Variants in ZFYVE28 observed in about 807,000 individuals in gnomAD.
The protein encoded by ZFYVE28 is lateral signaling target protein 2 homolog.
ZFYVE28 carries 40 observed loss-of-function variants against 82.1 expected under a neutral mutation model. That is an observed-to-expected ratio of 0.49 (90% CI 0.38 to 0.63). The LOEUF is 0.63. ZFYVE28 is among the 30% of genes least tolerant of loss of function. The pLI is 0.00. For missense variants in ZFYVE28, 1,321 were observed against 1,242.1 expected (o/e 1.06, Z -0.96); for synonymous variants, 612 against 546.1 (o/e 1.12, Z -1.68).
intron 7 of ZFYVE28, among the ~76,000 whole-genome samples, chr4:2,311,147 ATAT>A (rs1717415332): frequency 6.6e-6 from 1 of 152,104 alleles, no homozygotes; most frequent in Non-Finnish European, 1.5e-5. Context: ...CTTTCCATCT[ATAT>A]TATTAGTAAT....
rs545074523 is a variant in ZFYVE28 at position 2,303,788 on chromosome 4, C to T, written c.2051+501G>A. On this transcript the variant is annotated intron_variant, in intron 8 of 12. Coordinates refer to ENST00000290974, the MANE Select transcript of ZFYVE28 (RefSeq NM_020972.3). The stretch of plus-strand genomic sequence containing the variant: ...CAGCACCCCTCATGGCCCCAGTCTC[C>T]GCGCCCACGGCCACGGGTCTGCGTC... 9.1e-4 allele frequency among the ~76,000 whole-genome samples: 139 copies of T among 152,308 alleles called. No individual in the cohort carries two copies. The East Asian group carries it at 0.016, about 18-fold the overall frequency.
rs1310181263 is a variant in ZFYVE28, at chr4:2,279,735, CAT to C, written c.2052-5521_2052-5520del. ...GGCGGAGCTTGCAGTGAGCCGAGAT[CAT>C]GCCACTGCACTCCAGCCTGACAACA... On this transcript the variant is annotated intron_variant, in intron 8 of 12. Transcript: ENST00000290974. Among the ~76,000 whole-genome samples, 13 of 150,334 alleles carry C rather than the reference CAT, an allele frequency of 8.6e-5. No homozygotes were observed. In the East Asian group the frequency reaches 2.0e-3, roughly 23 times the overall value.
At chr4:2,406,237 T>C (rs1414087048) in intron 1 of ZFYVE28, among the ~76,000 whole-genome samples, 1 of 151,496 alleles carries the variant, frequency 6.6e-6, no homozygotes, top group African/African-American at 2.4e-5. Context: ...CTGGGTGTGG[T>C]GGTGCACACC....
chr4:2,297,682 G>A (rs1714809172), intron 8 of ZFYVE28, among the ~76,000 whole-genome samples: 1 of 152,260 alleles, frequency 6.6e-6, no homozygotes, highest in Non-Finnish European at 1.5e-5. Context: ...AGTGACAGTG[G>A]GGTGACACGG....
intron 6 of ZFYVE28, chr4:2,331,022 G>T (rs1384136998): frequency 6.9e-7 from 1 of 1,442,888 alleles, no homozygotes. Context: ...TCCTGCACGT[G>T]TTCTGGGATG....
chr4:2,275,778 G>A (rs555607371), intron 8 of ZFYVE28, among the ~76,000 whole-genome samples: 1 of 152,236 alleles, frequency 6.6e-6, no homozygotes, highest in Non-Finnish European at 1.5e-5. Flanking sequence ...TCTGGAGCCC[G>A]GTGGCCTCTG....
chr4:2,391,893 G>A (rs1252778948), intron 1 of ZFYVE28, among the ~76,000 whole-genome samples: 12 of 151,470 alleles, frequency 7.9e-5, no homozygotes, highest in South Asian at 2.1e-4. Context: ...CCACCACCAC[G>A]CCCAGCTAAT....
Position 2,320,120 on chromosome 4 carries a change from G to T in ZFYVE28, c.803+50C>A. On this transcript the variant is annotated intron_variant, in intron 7 of 12. Transcript: ENST00000290974. This position sits in a 1 kb window ranked among gnomAD's most constrained non-coding sequence, Gnocchi z 5.1. The stretch of plus-strand genomic sequence containing the variant: ...AAACATGACTTCAGCGCCCACCTGT[G>T]GCCCTCCTGTCCCCCTCCCCTCCCC... 1.3e-6 allele frequency: 2 copies of T among 1,567,428 alleles called. No individual in the cohort carries two copies. Among genetic ancestry groups the T allele is most frequent in the Non-Finnish European group, 1.8e-6 (2 of 1,140,236 alleles).
At chr4:2,368,543 T>C (rs1360542568) in intron 1 of ZFYVE28, among the ~76,000 whole-genome samples, 4 of 152,058 alleles carry the variant, frequency 2.6e-5, no homozygotes, top group Non-Finnish European at 5.9e-5. Context: ...CGACTTTATC[T>C]CTGGATTTGC....
intron 7 of ZFYVE28, among the ~76,000 whole-genome samples, chr4:2,308,677 G>GAAAGAAAGAAAGAGAA (rs1176221450): frequency 1.3e-5 from 1 of 76,490 alleles, no homozygotes; most frequent in East Asian, 3.6e-4. Flanking sequence ...AAGAAAGAAA[G>GAAAGAAAGAAAGAGAA]AGAAAGAAAG....
intron 7 of ZFYVE28, among the ~76,000 whole-genome samples, chr4:2,319,705 G>C (rs930479846): frequency 1.3e-5 from 2 of 152,178 alleles, no homozygotes; most frequent in African/African-American, 2.4e-5. Flanking sequence ...TTTTAAAAGG[G>C]GGTCTCCCAT....
chr4:2,320,228 T>C lies in ZFYVE28; in HGVS notation c.745A>G (p.Lys249Glu). The C allele has an allele frequency of 6.2e-7, 1 of 1,614,034 alleles. No homozygotes were observed. Among genetic ancestry groups the C allele is most frequent in the South Asian group, 1.1e-5 (1 of 91,072 alleles). Residue 249 changes from lysine to glutamate, a missense_variant, in exon 7 of 13, where the codon AAG (lysine) becomes GAG (glutamate). By Grantham distance (56) the Lys-to-Glu change is moderately conservative (BLOSUM62 1). Transcript: ENST00000290974. The surrounding 1 kb of genome is among the most constrained non-coding windows in gnomAD (Gnocchi z 5.1). ...AACAGCTCGGACATGTCTTCCACCT[T>C]GCGGTCCAAGTTCAGAGGTCCGTCC... ...YADGPLNLDR[K>E]VEDMSELFRP...
chr4:2,337,673 G>C (rs1026927487), intron 4 of ZFYVE28, among the ~76,000 whole-genome samples, 177 bp from the exon 5 acceptor site: 4 of 152,092 alleles, frequency 2.6e-5, no homozygotes, highest in African/African-American at 9.7e-5. Context: ...CTTGAGCCCA[G>C]GAGTTCGAGG....
intron 5 of ZFYVE28, among the ~76,000 whole-genome samples, chr4:2,336,812 AGGTGTGGATTGAGGAG>A (rs1470823100): frequency 3.7e-5 from 4 of 107,134 alleles, no homozygotes; most frequent in Non-Finnish European, 7.8e-5. Context: ...GGAGGTGAGG[AGGTGTGGATTGAGGAG>A]GTGAGGAGTG....
rs1367125989 is a variant in ZFYVE28, at chr4:2,273,214, GC to G, written c.2281del (p.Ala761ProfsTer12). ...SILKTLFEVM[A>X]TKPETDDKEK... ...CTTGTCGTCTGTTTCAGGCTTGGTGGCCATGACCTCAAACAGTGTTTTAAGA... is the reference window on the plus strand; with the variant it reads ...CTTGTCGTCTGTTTCAGGCTTGGTGGCATGACCTCAAACAGTGTTTTAAGA... On this transcript the variant is annotated frameshift_variant, in exon 10 of 13. Coordinates refer to ENST00000290974, the MANE Select transcript of ZFYVE28 (RefSeq NM_020972.3). LOFTEE classifies it high-confidence loss of function. 6.2e-7 allele frequency: 1 copy of G among 1,613,760 alleles called. No homozygotes were observed. The highest frequency in any genetic ancestry group is 8.5e-7 in the Non-Finnish European group (1 of 1,179,900).
rs1165949595 is a variant in ZFYVE28, at chr4:2,394,807, C to A, written c.39+23478G>T. Among the ~76,000 whole-genome samples, 1 of 152,254 alleles carries A rather than the reference C, an allele frequency of 6.6e-6. No individual in the cohort carries two copies. Among genetic ancestry groups the A allele is most frequent in the Non-Finnish European group, 1.5e-5 (1 of 68,040 alleles). ...AGAGGCGTCCTCGTCCTTGCAGCAACCCTGGTGCCAGCGGCAGATGCCAGC... is the reference window on the plus strand; with the variant it reads ...AGAGGCGTCCTCGTCCTTGCAGCAAACCTGGTGCCAGCGGCAGATGCCAGC... On this transcript the variant is annotated intron_variant, in intron 1 of 12. Coordinates refer to ENST00000290974, the MANE Select transcript of ZFYVE28 (RefSeq NM_020972.3). This position sits in a 1 kb window ranked among gnomAD's most constrained non-coding sequence, Gnocchi z 4.0.
chr4:2,320,229 G>C lies in ZFYVE28; in HGVS notation c.744C>G (p.Arg248=). 6.2e-7 allele frequency: 1 copy of C among 1,610,640 alleles called. No individual in the cohort carries two copies. Among genetic ancestry groups the C allele is most frequent in the Non-Finnish European group, 8.5e-7 (1 of 1,178,426 alleles). The change falls in exon 7 of 13, where the codon CGC becomes CGG. Residue 248 remains arginine (R), a synonymous_variant. Coordinates refer to ENST00000290974, the MANE Select transcript of ZFYVE28 (RefSeq NM_020972.3). This position sits in a 1 kb window ranked among gnomAD's most constrained non-coding sequence, Gnocchi z 5.1. ...VYADGPLNLD[R]KVEDMSELFR... ...ACAGCTCGGACATGTCTTCCACCTT[G>C]CGGTCCAAGTTCAGAGGTCCGTCCG...
At chr4:2,271,515 C>A (rs915053413) in intron 11 of ZFYVE28, 101 bp from the exon 12 acceptor site, 3 of 1,452,452 alleles carry the variant, frequency 2.1e-6, no homozygotes, top group South Asian at 1.2e-5. Context: ...GACTGCCAAG[C>A]CGCCTGGCCT....
At chr4:2,406,517 C>CA (rs1387685064) in intron 1 of ZFYVE28, 1 of 152,286 alleles carries the variant, frequency 6.6e-6, no homozygotes, top group African/African-American at 2.4e-5. Flanking sequence ...AACATGCTGT[C>CA]ACTCTGCTTT....
Sources: allele counts gnomAD v4.1 joint callset (sites outside exome capture counted in the v4.1 genomes callset), GRCh38; gene constraint gnomAD v4.1.1; non-coding constraint Gnocchi (gnomAD v3.1); transcripts MANE v1.5; gene names NCBI Gene and HGNC (gene_info 2026-07-23, HGNC 2026-07-21).